The following SMARCA1 variants were observed in gnomAD, a reference collection of about 807,000 sequenced individuals.
SMARCA1 encodes SNF2 related chromatin remodeling ATPase 1.
A neutral mutation model predicts 93.6 loss-of-function variants in SMARCA1; 17 were observed. The observed-to-expected ratio is 0.18, with a 90% confidence interval of 0.12 to 0.27. SMARCA1 has a LOEUF of 0.27. Ranked by LOEUF, SMARCA1 falls within the 10% of genes least tolerant of loss-of-function variation. SMARCA1 has a pLI of 1.00. For missense variants in SMARCA1, 630 were observed against 819.0 expected (o/e 0.77, Z 2.82); for synonymous variants, 271 against 271.4 (o/e 1.00, Z 0.01).
intron 12 of SMARCA1, among the ~76,000 whole-genome samples, chrX:129,494,961 CA>C (rs980991038): frequency 8.9e-6 from 1 of 112,345 alleles, no homozygotes; most frequent in Non-Finnish European, 1.9e-5. Context: ...AAACTGATGA[CA>C]AAAAAACAAT....
chrX:129,491,363 G>T (rs746777214), intron 14 of SMARCA1, among the ~76,000 whole-genome samples: 1 of 111,290 alleles, frequency 9.0e-6, no homozygotes, highest in African/African-American at 3.3e-5. Context: ...TATCAAAGGG[G>T]TTACCTGTAG....
At chrX:129,462,972 T>A (rs930896401) in intron 23 of SMARCA1, among the ~76,000 whole-genome samples, 2 of 111,489 alleles carry the variant, frequency 1.8e-5, no homozygotes, top group Non-Finnish European at 3.8e-5. Flanking sequence ...AATAAGGTTA[T>A]GTAGTTCCAC....
chrX:129,506,868 A>C (rs577639948), intron 7 of SMARCA1, among the ~76,000 whole-genome samples: 31 of 109,677 alleles, frequency 2.8e-4, no homozygotes, highest in African/African-American at 9.6e-4. Flanking sequence ...CTCCCCACCA[A>C]CCACATTCAT....
intron 14 of SMARCA1, among the ~76,000 whole-genome samples, chrX:129,491,096 G>A (rs182183484): frequency 9.0e-6 from 1 of 111,392 alleles, no homozygotes; most frequent in East Asian, 2.8e-4. Context: ...TAATAATTAC[G>A]CCAAAGCATA....
At chrX:129,495,955 C>T (rs1352567988) in intron 12 of SMARCA1, among the ~76,000 whole-genome samples, 4 of 102,604 alleles carry the variant, frequency 3.9e-5, no homozygotes, top group Admixed American at 1.1e-4. Context: ...TTTTTTGCAA[C>T]GACATTAAGT....
At chrX:129,447,949 A>G (rs1371739188) in intron 24 of SMARCA1, among the ~76,000 whole-genome samples, 2 of 111,592 alleles carry the variant, frequency 1.8e-5, no homozygotes, top group Non-Finnish European at 3.8e-5. Flanking sequence ...AATTCCACAA[A>G]CATCAGAAAA....
At chrX:129,472,346 G>C (rs7050369) in intron 19 of SMARCA1, among the ~76,000 whole-genome samples, 5,607 of 110,919 alleles carry the variant, frequency 0.051, 342 homozygotes, top group African/African-American at 0.17. Flanking sequence ...TCCACTGCTT[G>C]AAATGCACAC....
intron 2 of SMARCA1, among the ~76,000 whole-genome samples, chrX:129,517,184 A>G (rs73225564): frequency 0.018 from 2,051 of 111,542 alleles, 15 homozygotes; most frequent in Non-Finnish European, 0.029. Flanking sequence ...TATATGTGAA[A>G]TAGTTTATTA....
chrX:129,504,564 A>C lies in SMARCA1; in HGVS notation c.1167+170T>G, dbSNP rs932325817. Among the ~76,000 whole-genome samples, 7 of 97,411 alleles carry C rather than the reference A, an allele frequency of 7.2e-5. No homozygotes were observed. The East Asian group carries it at 1.3e-3, about 18-fold the overall frequency. The allele number at this position is 97,411 out of a possible 115,157, so 84.6% of individuals were successfully genotyped here. A position where few individuals can be genotyped will look rare whatever the true frequency, so the allele number is the denominator to read the frequency against. ...CATAGAGGAATAAAAAAAAAAAAAAAAAAAAAAAAAAAAAAAACAAAGAGG... is the reference window on the plus strand; with the variant it reads ...CATAGAGGAATAAAAAAAAAAAAAACAAAAAAAAAAAAAAAAACAAAGAGG... On this transcript the variant is annotated intron_variant, in intron 9 of 24. Transcript: ENST00000371121.
At chrX:129,521,499 G>C (rs779506094) in intron 1 of SMARCA1, among the ~76,000 whole-genome samples, 1 of 112,299 alleles carries the variant, frequency 8.9e-6, no homozygotes, top group African/African-American at 3.2e-5. Context: ...AATTTCTAAT[G>C]AGGCAAGAGT....
At chrX:129,448,074 A>C (rs1358006245) in intron 24 of SMARCA1, among the ~76,000 whole-genome samples, 1 of 105,795 alleles carries the variant, frequency 9.5e-6, no homozygotes, top group Non-Finnish European at 1.9e-5. Context: ...TTTCACTTGC[A>C]TTATACTTCT....
intron 17 of SMARCA1, among the ~76,000 whole-genome samples, 186 bp from the exon 18 acceptor site, chrX:129,481,371 A>C (rs1375398663): frequency 8.9e-6 from 1 of 112,584 alleles, no homozygotes; most frequent in Non-Finnish European, 1.9e-5. Context: ...TTTAGATGCA[A>C]AGACAGTTTT....
At chrX:129,470,665 T>C (rs1423928852) in intron 20 of SMARCA1, among the ~76,000 whole-genome samples, 1 of 110,946 alleles carries the variant, frequency 9.0e-6, no homozygotes, top group Admixed American at 9.6e-5. Context: ...GGTCAGGAGT[T>C]TGAGACCAGC....
At chrX:129,489,939 T>C in intron 15 of SMARCA1, 121 bp downstream of exon 15, 1 of 459,153 alleles carries the variant, frequency 2.2e-6, no homozygotes. Context: ...TACACAGTGA[T>C]GTTTCAATTT....
chrX:129,518,000 G>C (rs1484897947), intron 2 of SMARCA1, among the ~76,000 whole-genome samples: 3 of 110,758 alleles, frequency 2.7e-5, no homozygotes, highest in African/African-American at 9.8e-5. Context: ...TTTGTGACTG[G>C]ATTTCTCTCA....
chrX:129,482,463 G>A (rs187936104), intron 17 of SMARCA1, among the ~76,000 whole-genome samples: 9 of 111,831 alleles, frequency 8.0e-5, no homozygotes, highest in African/African-American at 2.9e-4. Context: ...TGGAAACACA[G>A]GTATGGCAGA....
intron 5 of SMARCA1, 38 bp downstream of exon 5, chrX:129,515,649 G>C (rs1935170343): frequency 1.1e-6 from 1 of 950,076 alleles, no homozygotes; most frequent in Non-Finnish European, 1.5e-6. Flanking sequence ...AAAAATCATT[G>C]ATAACTGAGA....
intron 2 of SMARCA1, 119 bp downstream of exon 2, chrX:129,518,242 C>A: frequency 2.8e-6 from 1 of 361,575 alleles, no homozygotes. Flanking sequence ...AATTATTTTC[C>A]AATTCTAAAA....
chrX:129,480,596 G>T, intron 19 of SMARCA1, 105 bp downstream of exon 19: 1 of 326,122 alleles, frequency 3.1e-6, no homozygotes, highest in Non-Finnish European at 5.1e-6. Context: ...GTGATTTGCT[G>T]TCACATTCTC....
Sources: gnomAD v4.1 joint callset for allele counts (sites outside exome capture counted in the v4.1 genomes callset) on GRCh38, gnomAD v4.1.1 for gene constraint, MANE v1.5 for transcripts, NCBI Gene and HGNC (gene_info 2026-07-23, HGNC 2026-07-21) for gene names.